Variants in GIPC2 observed in about 807,000 individuals in gnomAD.
GIPC2 encodes GIPC PDZ domain containing family member 2.
GIPC2 carries 30 observed loss-of-function variants against 30.6 expected under a neutral mutation model. The observed-to-expected ratio is 0.98, with a 90% confidence interval of 0.73 to 1.33. The LOEUF (loss-of-function observed/expected upper bound fraction) is 1.33, where lower values mean the gene tolerates loss of function less well. Among genes scored for constraint, GIPC2 ranks in the 40% most tolerant of loss-of-function variants. The pLI is 0.00. For synonymous variants in GIPC2, 167 were observed against 150.0 expected (o/e 1.11, Z -0.83); for missense variants, 414 against 390.3 (o/e 1.06, Z -0.51).
At chr1:78,075,350 G>A (rs1423222776) in intron 1 of GIPC2, among the ~76,000 whole-genome samples, 1 of 152,112 alleles carries the variant, frequency 6.6e-6, no homozygotes, top group African/African-American at 2.4e-5. Flanking sequence ...CAGCTACTAG[G>A]GAGGCTGAGG....
chr1:78,049,953 A>G (rs887670387), intron 1 of GIPC2, among the ~76,000 whole-genome samples: 17 of 142,412 alleles, frequency 1.2e-4, no homozygotes, highest in Non-Finnish European at 9.0e-5. Flanking sequence ...TTGAAGTGCA[A>G]CGGTGTGATC....
chr1:78,136,387 C>CTGTG lies in GIPC2; in HGVS notation c.*654_*657dup, dbSNP rs144509518. The CTGTG allele has an allele frequency of 6.6e-6, 1 of 151,500 alleles. No homozygotes were observed. Among genetic ancestry groups the CTGTG allele is most frequent in the Non-Finnish European group, 1.5e-5 (1 of 67,816 alleles). 9.4% of individuals were successfully genotyped at this position (151,500 alleles called of 1,614,324 possible). A position where few individuals can be genotyped will look rare whatever the true frequency, so the allele number is the denominator to read the frequency against. On this transcript the variant is annotated 3_prime_UTR_variant, in exon 6 of 6. Coordinates refer to ENST00000370759, the MANE Select transcript of GIPC2 (RefSeq NM_017655.6). ...TTAAAACTTGTGGTTGAAATCTGTG[C>CTGTG]TGTGTGTGTGTGTCTCTGCATGTGT...
intron 1 of GIPC2, among the ~76,000 whole-genome samples, chr1:78,079,265 T>G (rs1305378271): frequency 1.3e-4 from 20 of 152,212 alleles, no homozygotes; most frequent in Non-Finnish European, 1.5e-5. Context: ...CATTTTTTTT[T>G]GTCCTCATCA....
intron 5 of GIPC2, among the ~76,000 whole-genome samples, chr1:78,132,191 T>C (rs1470467504): frequency 6.6e-6 from 1 of 152,224 alleles, no homozygotes; most frequent in Admixed American, 6.5e-5. Flanking sequence ...AAAATAATCT[T>C]ATAGGGTTGC....
Position 78,046,042 on chromosome 1 carries a change from G to A in GIPC2, c.-53G>A, listed in dbSNP as rs1661060993. ...GGGCGCAAAGTCCGAGGCGCCGGGG[G>A]GAGGAGGCGGCGGACGGCAGCGCAG... On this transcript the variant is annotated 5_prime_UTR_variant, in exon 1 of 6. Coordinates refer to ENST00000370759, the MANE Select transcript of GIPC2 (RefSeq NM_017655.6). 2.9e-6 allele frequency: 4 copies of A among 1,399,928 alleles called. No homozygotes were observed. The highest frequency in any genetic ancestry group is 7.5e-5 in the Admixed American group (2 of 26,728). 86.7% of individuals were successfully genotyped at this position (1,399,928 alleles called of 1,614,324 possible).
chr1:78,060,074 A>G (rs185665976), intron 1 of GIPC2, among the ~76,000 whole-genome samples: 1 of 152,320 alleles, frequency 6.6e-6, no homozygotes, highest in African/African-American at 2.4e-5. Flanking sequence ...TGGGATGGTG[A>G]TATCACACAA....
chr1:78,083,013 C>G (rs1661861344), intron 2 of GIPC2, among the ~76,000 whole-genome samples: 1 of 152,084 alleles, frequency 6.6e-6, no homozygotes, highest in African/African-American at 2.4e-5. Flanking sequence ...AGGATATTCT[C>G]TTACATATAA....
At chr1:78,045,101 T>C, upstream of GIPC2, 1 of 977,046 alleles carries the variant, frequency 1.0e-6, no homozygotes, top group Non-Finnish European at 1.2e-6. Context: ...CCAAGTAAGA[T>C]AAAAACCTAA....
At chr1:78,053,440 G>A (rs957381463) in intron 1 of GIPC2, among the ~76,000 whole-genome samples, 3 of 152,040 alleles carry the variant, frequency 2.0e-5, no homozygotes, top group Non-Finnish European at 4.4e-5. Flanking sequence ...GAAACCCCCA[G>A]GATTTCCCAT....
rs758380091 is a variant in GIPC2, at chr1:78,125,922, T to A, written c.756T>A (p.Asp252Glu). The A allele has an allele frequency of 5.0e-6, 8 of 1,590,282 alleles. No individual in the cohort carries two copies. The South Asian group carries it at 8.8e-5, about 18-fold the overall frequency. ...TKAKAIEKID[D>E]VLELYMGIRD... Reference sequence around the variant, plus strand: ...CAAAGGCAATTGAAAAGATTGATGATGTTCTTGAGTTGTACATGGGAATTC... The same window carrying A: ...CAAAGGCAATTGAAAAGATTGATGAAGTTCTTGAGTTGTACATGGGAATTC... Residue 252 changes from aspartate (D) to glutamate (E), a missense_variant, in exon 5 of 6, where the codon GAT becomes GAA. Transcript: ENST00000370759.
At chr1:78,117,900 A>G (rs1301144839) in intron 3 of GIPC2, among the ~76,000 whole-genome samples, 1 of 152,052 alleles carries the variant, frequency 6.6e-6, no homozygotes, top group Non-Finnish European at 1.5e-5. Context: ...GATGCACACA[A>G]AACTCTGAGT....
intron 1 of GIPC2, among the ~76,000 whole-genome samples, chr1:78,073,462 A>G (rs935984931): frequency 3.3e-5 from 5 of 152,196 alleles, no homozygotes; most frequent in African/African-American, 9.6e-5. Context: ...TATTTGAGAT[A>G]CAGTATAAAA....
intron 1 of GIPC2, among the ~76,000 whole-genome samples, chr1:78,063,534 G>A (rs759424586): frequency 2.0e-5 from 3 of 150,754 alleles, no homozygotes; most frequent in Non-Finnish European, 3.0e-5. Flanking sequence ...AAAACATGAA[G>A]CAGTTGCTTG....
chr1:78,100,699 G>A (rs1662227624), intron 3 of GIPC2, among the ~76,000 whole-genome samples: 1 of 152,116 alleles, frequency 6.6e-6, no homozygotes, highest in Non-Finnish European at 1.5e-5. Flanking sequence ...GGAGGTTGAG[G>A]AGGGAGGGTC....
chr1:78,098,662 C>CGTCACAGGAAATGAAG (rs1662185368), intron 3 of GIPC2, among the ~76,000 whole-genome samples: 1 of 151,476 alleles, frequency 6.6e-6, no homozygotes, highest in African/African-American at 2.4e-5. Context: ...ATGTTGAAGT[C>CGTCACAGGAAATGAAG]CTAATCTTCA....
At chr1:78,101,576 G>T (rs1662250753) in intron 3 of GIPC2, among the ~76,000 whole-genome samples, 1 of 152,116 alleles carries the variant, frequency 6.6e-6, no homozygotes, top group Non-Finnish European at 1.5e-5. Context: ...AAAGCCACTG[G>T]CTTAAATGAC....
intron 2 of GIPC2, among the ~76,000 whole-genome samples, chr1:78,083,788 C>A (rs1661875579): frequency 6.6e-6 from 1 of 152,224 alleles, no homozygotes; most frequent in South Asian, 2.1e-4. Flanking sequence ...ACTTGGCCTG[C>A]AGGAACCCCT....
chr1:78,132,885 A>C (rs1317905926), intron 5 of GIPC2, among the ~76,000 whole-genome samples: 3 of 152,112 alleles, frequency 2.0e-5, no homozygotes, highest in African/African-American at 7.2e-5. Context: ...TGTGTTACCC[A>C]TATGTCATTA....
chr1:78,096,628 T>C (rs1048784054), intron 3 of GIPC2, among the ~76,000 whole-genome samples: 4 of 152,172 alleles, frequency 2.6e-5, no homozygotes, highest in Non-Finnish European at 4.4e-5. Context: ...TATTTAGCTA[T>C]TATTGTTCCA....
Sources: gnomAD v4.1 joint callset for allele counts (sites outside exome capture counted in the v4.1 genomes callset) on GRCh38, gnomAD v4.1.1 for gene constraint, MANE v1.5 for transcripts, NCBI Gene and HGNC (gene_info 2026-07-23, HGNC 2026-07-21) for gene names.